The following KDR variants were observed in gnomAD, a reference collection of about 807,000 sequenced individuals.
KDR encodes vascular endothelial growth factor receptor 2.
Under a neutral mutation model 160.9 loss-of-function variants are expected in KDR, and 43 were observed. That is an observed-to-expected ratio of 0.27 (90% CI 0.21 to 0.34). KDR has a LOEUF of 0.34. KDR is among the 10% of genes least tolerant of loss of function. The pLI is 1.00. For missense variants in KDR, 1,469 were observed against 1,666.4 expected, an observed-to-expected ratio of 0.88 and a Z score of 2.06; for synonymous variants, 617 against 600.1, an observed-to-expected ratio of 1.03 and a Z score of -0.41.
At chr4:55,115,497 A>T in intron 3 of KDR, 86 bp from the exon 4 acceptor site, 1 of 753,114 alleles carries the variant, frequency 1.3e-6, no homozygotes, top group Non-Finnish European at 2.4e-6. Flanking sequence ...CTCTAACCAG[A>T]CAAGTGAATG....
chr4:55,102,493 G>C lies in KDR; in HGVS notation c.2003C>G (p.Thr668Arg), dbSNP rs199774865. The change falls in exon 14 of 30, where the codon ACG becomes AGG. Residue 668 changes from threonine to arginine, a missense_variant. Coordinates refer to ENST00000263923, the MANE Select transcript of KDR (RefSeq NM_002253.4). ...QLTVLERVAP[T>R]ITGNLENQTT... ...CTGATTCTCCAGGTTTCCTGTGATC[G>C]TGGGTGCCACACGCTCTAGACACAC... 1 of 1,613,570 alleles carries C rather than the reference G, an allele frequency of 6.2e-7. No individual in the cohort carries two copies. The highest frequency in any genetic ancestry group is 8.5e-7 in the Non-Finnish European group (1 of 1,179,736).
Position 55,107,681 on chromosome 4 carries a change from T to A in KDR, c.1412+56A>T, listed in dbSNP as rs1720478179. The A allele has an allele frequency of 2.5e-6, 4 of 1,610,350 alleles. No homozygotes were observed. The Admixed American group carries it at 6.7e-5, about 27-fold the overall frequency. On this transcript the variant is annotated intron_variant, in intron 10 of 29. Coordinates refer to ENST00000263923, the MANE Select transcript of KDR (RefSeq NM_002253.4). ...ATTTAGGATGGAGTCATATCATAGC[T>A]CAGCTGTAAGAAATGCAAGATGGCA...
rs558204656 is a variant in KDR at position 55,105,875 on chromosome 4, G to A, written c.1602C>T (p.Asn534=). ...TCACCCTCTCTCCTCTCCCGACTTT[G>A]TTGACCGCTTCACATTTGTACAAAG... ...VSALYKCEAV[N]KVGRGERVIS... is the part of the protein sequence containing the mutation. The change falls in exon 12 of 30, where the codon AAC becomes AAT. Residue 534 remains asparagine (N), a synonymous_variant. Transcript: ENST00000263923. 1.7e-5 allele frequency: 28 copies of A among 1,613,530 alleles called. No individual in the cohort carries two copies. The African/African-American group carries it at 3.2e-4, about 18-fold the overall frequency.
chr4:55,091,915 C>T (rs1720028106), intron 22 of KDR, among the ~76,000 whole-genome samples: 1 of 152,194 alleles, frequency 6.6e-6, no homozygotes, highest in African/African-American at 2.4e-5. Context: ...CCATCTCAGC[C>T]TTTGTTTGGC....
intron 3 of KDR, 55 bp downstream of exon 3, chr4:55,118,542 AGCCTATT>A: frequency 7.7e-7 from 1 of 1,294,736 alleles, no homozygotes; most frequent in African/African-American, 1.5e-5. Flanking sequence ...TTCTTCTTTG[AGCCTATT>A]GTCTTTTATA....
Position 55,079,949 on chromosome 4 carries a change from G to C in KDR, c.4063C>G (p.Pro1355Ala), listed in dbSNP as rs747831962. 1 of 1,613,884 alleles carries C rather than the reference G, an allele frequency of 6.2e-7. No homozygotes were observed. Among genetic ancestry groups the C allele is most frequent in the South Asian group, 1.1e-5 (1 of 91,070 alleles). The change falls in exon 30 of 30, where the codon CCT (proline) becomes GCT (alanine). Residue 1355 changes from proline (P) to alanine (A), a missense_variant. Physicochemically the swap from Pro to Ala is conservative, Grantham distance 27. Coordinates refer to ENST00000263923, the MANE Select transcript of KDR (RefSeq NM_002253.4). ...GGTGTGGATGCTTCCTTTTAAACAG[G>C]AGGAGAGCTCAGTGTGGTCCCCGAG... ...PDSGTTLSSP[P>A]V
chr4:55,089,638 C>A, intron 24 of KDR, 53 bp downstream of exon 24: 2 of 1,525,554 alleles, frequency 1.3e-6, no homozygotes, highest in Non-Finnish European at 1.8e-6. Flanking sequence ...GAAAAGACAA[C>A]TTTTGTCTTC....
At chr4:55,098,064 T>G in intron 17 of KDR, 73 bp downstream of exon 17, 1 of 1,560,098 alleles carries the variant, frequency 6.4e-7, no homozygotes, top group Admixed American at 1.7e-5. Flanking sequence ...TACACCACAT[T>G]TGTCATCATT....
chr4:55,096,687 T>G, intron 18 of KDR: 2 of 353,562 alleles, frequency 5.7e-6, no homozygotes, highest in Non-Finnish European at 1.1e-5. Flanking sequence ...ATTCTGAGGG[T>G]CTGATCATTT....
intron 26 of KDR, 49 bp downstream of exon 26, chr4:55,088,819 T>G: frequency 8.5e-6 from 11 of 1,300,834 alleles, no homozygotes; most frequent in Non-Finnish European, 1.1e-5. Context: ...GGAAAGTCCT[T>G]GACATCTAAG....
rs1429534623 is a variant in KDR at position 55,106,935 on chromosome 4, T to C, written c.1413-125A>G. 4.6e-5 allele frequency: 39 copies of C among 847,354 alleles called. No individual in the cohort carries two copies. In the East Asian group the frequency reaches 9.2e-4, roughly 20 times the overall value. The allele number at this position is 847,354 out of a possible 1,614,324, so 52.5% of individuals were successfully genotyped here. A position where few individuals can be genotyped will look rare whatever the true frequency, so the allele number is the denominator to read the frequency against. On this transcript the variant is annotated intron_variant, in intron 10 of 29. Transcript: ENST00000263923. Reference sequence around the variant, plus strand: ...AAATAACTTCCAACGCAGCCTACCATGGTACAAGACTTGGCGCCAATTAAA... The same window carrying C: ...AAATAACTTCCAACGCAGCCTACCACGGTACAAGACTTGGCGCCAATTAAA...
intron 17 of KDR, 32 bp from the exon 18 acceptor site, chr4:55,097,798 A>G: frequency 6.8e-7 from 1 of 1,465,678 alleles, no homozygotes; most frequent in Non-Finnish European, 9.6e-7. Flanking sequence ...ACAAGAAAAC[A>G]GACTTGGATT....
chr4:55,082,535 C>T lies in KDR; in HGVS notation c.3762+1G>A, dbSNP rs2110005766. The T allele has an allele frequency of 1.3e-6, 2 of 1,583,364 alleles. No individual in the cohort carries two copies. Among genetic ancestry groups the T allele is most frequent in the Non-Finnish European group, 1.7e-6 (2 of 1,152,098 alleles). On this transcript the variant is annotated splice_donor_variant, in intron 28 of 29. Coordinates refer to ENST00000263923, the MANE Select transcript of KDR (RefSeq NM_002253.4). LOFTEE classifies it high-confidence loss of function. ...AGACTATTTTTAAAAGACGTACTTA[C>T]ATCTGGGATTACTTTTACTTCTGGT... is the stretch of plus-strand genomic sequence containing the variant.
rs1721003737 is a variant in KDR, at chr4:55,125,307, C to G, written c.-14G>C. 2 of 1,608,372 alleles carry G rather than the reference C, an allele frequency of 1.2e-6. No individual in the cohort carries two copies. Among genetic ancestry groups the G allele is most frequent in the Non-Finnish European group, 1.7e-6 (2 of 1,177,928 alleles). On this transcript the variant is annotated 5_prime_UTR_variant, in exon 1 of 30. Coordinates refer to ENST00000263923, the MANE Select transcript of KDR (RefSeq NM_002253.4). ...CTTGCTCTGCATCCTGCACCTCGAG[C>G]CGGGCGAAATGCCCAGAACTCGGGA... is the stretch of plus-strand genomic sequence containing the variant.
chr4:55,110,618 A>G, intron 8 of KDR, 36 bp downstream of exon 8: 2 of 1,612,320 alleles, frequency 1.2e-6, no homozygotes, highest in Non-Finnish European at 1.7e-6. Context: ...TTGCTCTCAC[A>G]CGAAATGATG....
At chr4:55,092,308 A>T in intron 22 of KDR, 1 of 402,334 alleles carries the variant, frequency 2.5e-6, no homozygotes. Flanking sequence ...TGCTCTACCC[A>T]CTAGAACTGT....
intron 1 of KDR, among the ~76,000 whole-genome samples, chr4:55,123,692 G>GT (rs1303827043): frequency 2.0e-5 from 3 of 152,178 alleles, no homozygotes; most frequent in African/African-American, 4.8e-5. Flanking sequence ...AGAAATAACT[G>GT]TAAGAGGTAC....
chr4:55,088,314 A>G (rs1719913654), intron 26 of KDR, among the ~76,000 whole-genome samples: 1 of 152,270 alleles, frequency 6.6e-6, no homozygotes, highest in Non-Finnish European at 1.5e-5. Flanking sequence ...TGATAAAAAT[A>G]GAGCTGACCT....
chr4:55,097,589 G>A, intron 18 of KDR, 73 bp downstream of exon 18: 1 of 995,114 alleles, frequency 1.0e-6, no homozygotes, highest in South Asian at 1.3e-5. Flanking sequence ...CAAAGCTACT[G>A]ATACAAGCCT....
Sources: allele counts gnomAD v4.1 joint callset (sites outside exome capture counted in the v4.1 genomes callset), GRCh38; gene constraint gnomAD v4.1.1; transcripts MANE v1.5; gene names NCBI Gene and HGNC (gene_info 2026-07-23, HGNC 2026-07-21).